The following RIMS4 variants were observed in gnomAD, a reference collection of about 807,000 sequenced individuals.
RIMS4 encodes the protein regulating synaptic membrane exocytosis 4.
RIMS4 carries 9 observed loss-of-function variants against 29.0 expected under a neutral mutation model. The ratio of observed to expected loss-of-function variants is 0.31; its 90% CI spans 0.19 to 0.54. RIMS4 has a LOEUF of 0.54. Among genes scored for constraint, RIMS4 ranks in the 20% least tolerant of loss-of-function variants. The pLI is 0.94. For missense variants in RIMS4, 193 were observed against 365.7 expected, an observed-to-expected ratio of 0.53 and a Z score of 3.85; for synonymous variants, 130 against 152.9, an observed-to-expected ratio of 0.85 and a Z score of 1.10.
Position 44,755,948 on chromosome 20 carries a change from G to T in RIMS4, c.*186C>A. ...TAGCCAATCCCGTTGGGAGAGGGGAGGTCTCGGGGGTAGGAGGCAAAGAAG... is the reference window on the plus strand; with the variant it reads ...TAGCCAATCCCGTTGGGAGAGGGGATGTCTCGGGGGTAGGAGGCAAAGAAG... On this transcript the variant is annotated 3_prime_UTR_variant, in exon 6 of 6. Transcript: ENST00000372851. 1 of 573,896 alleles carries T rather than the reference G, an allele frequency of 1.7e-6. No individual in the cohort carries two copies. Among genetic ancestry groups the T allele is most frequent in the East Asian group, 2.8e-5 (1 of 35,882 alleles). 35.6% of individuals were successfully genotyped at this position (573,896 alleles called of 1,614,324 possible).
At chr20:44,759,826 C>T (rs2066076621) in intron 2 of RIMS4, among the ~76,000 whole-genome samples, 4 of 152,262 alleles carry the variant, frequency 2.6e-5, no homozygotes, top group South Asian at 4.1e-4. Flanking sequence ...CCCGATTCTT[C>T]CCTGAACCAT....
rs1199820068 is a variant in RIMS4 at position 44,810,353 on chromosome 20, G to A, written c.-82C>T. 6.9e-6 allele frequency: 2 copies of A among 290,958 alleles called. No individual in the cohort carries two copies. The highest frequency in any genetic ancestry group is 4.6e-5 in the African/African-American group (2 of 43,292). The allele number at this position is 290,958 out of a possible 1,614,324, so 18.0% of individuals were successfully genotyped here. On this transcript the variant is annotated 5_prime_UTR_variant, in exon 1 of 6. Coordinates refer to ENST00000372851, the MANE Select transcript of RIMS4 (RefSeq NM_182970.4). ...TGGGCAGCTTGGCCGCCCCATTCTT[G>A]ACGCGGAGTACGGCGCGCGGCGTGG...
chr20:44,810,271 TGCCCGCGCCGGCGCCGGGCGCCTC>T lies in RIMS4; in HGVS notation c.-24_-1del. On this transcript the variant is annotated 5_prime_UTR_variant, in exon 1 of 6. Coordinates refer to ENST00000372851, the MANE Select transcript of RIMS4 (RefSeq NM_182970.4). The stretch of plus-strand genomic sequence containing the variant: ...CTGAGGCGGCTCTGCGAGCGCTCCA[TGCCCGCGCCGGCGCCGGGCGCCTC>T]GGCCGCGGCGGCGGCGGCGGCGGCG... 3 of 1,200,686 alleles carry T rather than the reference TGCCCGCGCCGGCGCCGGGCGCCTC, an allele frequency of 2.5e-6. No homozygotes were observed. The highest frequency in any genetic ancestry group is 3.2e-6 in the Non-Finnish European group (3 of 948,394). The allele number at this position is 1,200,686 out of a possible 1,614,324, so 74.4% of individuals were successfully genotyped here.
At chr20:44,785,194 G>C (rs968238726) in intron 1 of RIMS4, among the ~76,000 whole-genome samples, 6 of 151,916 alleles carry the variant, frequency 3.9e-5, no homozygotes, top group African/African-American at 1.4e-4. Context: ...TAAAGTTTGG[G>C]AGCCTGCAAT....
intron 1 of RIMS4, among the ~76,000 whole-genome samples, chr20:44,784,216 C>T (rs1229824898): frequency 1.3e-5 from 2 of 152,184 alleles, no homozygotes; most frequent in African/African-American, 4.8e-5. Flanking sequence ...TGTATCCCCA[C>T]AAAGGCCCAC....
In RIMS4 at chr20:44,756,643, G is replaced by C. The variant is rs1426445521; in HGVS notation, c.591+255C>G. On this transcript the variant is annotated intron_variant, in intron 5 of 5. Transcript: ENST00000372851. This position sits in a 1 kb window ranked among gnomAD's most constrained non-coding sequence, Gnocchi z 5.9. ...CACAGCACACATTCCACTGGCACCA[G>C]AATGTTATCAGGTAGGTACTATTAG... is the stretch of plus-strand genomic sequence containing the variant. 1.3e-5 allele frequency among the ~76,000 whole-genome samples: 2 copies of C among 152,210 alleles called. No individual in the cohort carries two copies. Among genetic ancestry groups the C allele is most frequent in the African/African-American group, 4.8e-5 (2 of 41,450 alleles).
intron 1 of RIMS4, among the ~76,000 whole-genome samples, chr20:44,797,091 TAACCAATTAC>T (rs2066258287): frequency 6.6e-6 from 1 of 152,226 alleles, no homozygotes; most frequent in Non-Finnish European, 1.5e-5. Context: ...TAGCAGCTCT[TAACCAATTAC>T]TGATGGGAAC....
At chr20:44,780,968 C>A (rs758315807) in intron 1 of RIMS4, among the ~76,000 whole-genome samples, 1 of 152,158 alleles carries the variant, frequency 6.6e-6, no homozygotes, top group Non-Finnish European at 1.5e-5. Context: ...CTTTGTAACT[C>A]TAAAGGGTTA....
Position 44,789,993 on chromosome 20 carries a change from C to G in RIMS4, c.98-18580G>C, listed in dbSNP as rs577595125. Among the ~76,000 whole-genome samples the G allele has an allele frequency of 7.4e-4, 113 of 152,376 alleles. 2 individuals are homozygous for G. In the South Asian group the frequency reaches 0.022, roughly 30 times the overall value. ...GCACCCAAGGGAGAATAAACTCCTACCCAGCAGGGAGACTGGGATGGGAAC... is the reference window on the plus strand; with the variant it reads ...GCACCCAAGGGAGAATAAACTCCTAGCCAGCAGGGAGACTGGGATGGGAAC... On this transcript the variant is annotated intron_variant, in intron 1 of 5. Coordinates refer to ENST00000372851, the MANE Select transcript of RIMS4 (RefSeq NM_182970.4).
Position 44,789,183 on chromosome 20 carries a change from C to A in RIMS4, c.98-17770G>T, listed in dbSNP as rs576204804. ...GAGGGTGGTTTAAATCCGGGTCTGT[C>A]TGAATTTAAAATCTCTATATTTTTT... On this transcript the variant is annotated intron_variant, in intron 1 of 5. Transcript: ENST00000372851. Among the ~76,000 whole-genome samples the A allele has an allele frequency of 2.6e-5, 4 of 152,096 alleles. No individual in the cohort carries two copies. In the East Asian group the frequency reaches 7.7e-4, roughly 29 times the overall value.
At chr20:44,803,539 C>T (rs1035632299) in intron 1 of RIMS4, among the ~76,000 whole-genome samples, 3 of 152,192 alleles carry the variant, frequency 2.0e-5, no homozygotes, top group Non-Finnish European at 4.4e-5. Flanking sequence ...AGTCATCTCA[C>T]TCCCCCGTTG....
At chr20:44,782,889 A>G (rs534164058) in intron 1 of RIMS4, among the ~76,000 whole-genome samples, 1 of 152,342 alleles carries the variant, frequency 6.6e-6, no homozygotes, top group Admixed American at 6.5e-5. Flanking sequence ...GTTTGTTCCA[A>G]CAAGGTAGCA....
intron 2 of RIMS4, among the ~76,000 whole-genome samples, chr20:44,764,159 C>T (rs2066100969): frequency 7.5e-6 from 1 of 134,006 alleles, no homozygotes; most frequent in African/African-American, 2.9e-5. Flanking sequence ...TTTATCCATC[C>T]ATCCATCCAT....
intron 1 of RIMS4, among the ~76,000 whole-genome samples, chr20:44,809,220 T>G (rs1230827656): frequency 6.6e-6 from 1 of 152,092 alleles, no homozygotes; most frequent in African/African-American, 2.4e-5. Context: ...CTGATTCCGA[T>G]TCCCAATCTG....
intron 1 of RIMS4, among the ~76,000 whole-genome samples, chr20:44,809,683 A>G (rs1158487756): frequency 6.6e-6 from 1 of 152,094 alleles, no homozygotes; most frequent in Non-Finnish European, 1.5e-5. Context: ...GGGGGCGCTC[A>G]AGGCCTGGGG....
chr20:44,792,605 G>C (rs919806440), intron 1 of RIMS4, among the ~76,000 whole-genome samples: 9 of 152,074 alleles, frequency 5.9e-5, no homozygotes, highest in Admixed American at 1.3e-4. Flanking sequence ...ACTTACTATT[G>C]AATGGCCCTG....
At chr20:44,781,831 G>A (rs567251947) in intron 1 of RIMS4, among the ~76,000 whole-genome samples, 1 of 152,322 alleles carries the variant, frequency 6.6e-6, no homozygotes, top group African/African-American at 2.4e-5. Flanking sequence ...GTGGGCAAAA[G>A]GTAGAGTCTA....
intron 1 of RIMS4, among the ~76,000 whole-genome samples, chr20:44,803,193 C>T (rs2066284232): frequency 6.6e-6 from 1 of 152,190 alleles, no homozygotes; most frequent in Non-Finnish European, 1.5e-5. Context: ...TGATATATCC[C>T]TAGCACCCTA....
At chr20:44,784,001 A>G (rs2066196827) in intron 1 of RIMS4, among the ~76,000 whole-genome samples, 2 of 152,218 alleles carry the variant, frequency 1.3e-5, no homozygotes, top group Non-Finnish European at 2.9e-5. Context: ...TAAAGCTTAT[A>G]TAAATCTCCT....
Sources: allele counts gnomAD v4.1 joint callset (sites outside exome capture counted in the v4.1 genomes callset), GRCh38; gene constraint gnomAD v4.1.1; non-coding constraint Gnocchi (gnomAD v3.1); transcripts MANE v1.5; gene names NCBI Gene and HGNC (gene_info 2026-07-23, HGNC 2026-07-21).